The following SPATA33 variants were observed in gnomAD, a reference collection of about 807,000 sequenced individuals.
SPATA33 encodes the protein spermatogenesis associated 33.
A neutral mutation model predicts 8.9 loss-of-function variants in SPATA33; 10 were observed. The observed-to-expected ratio is 1.12, with a 90% CI of 0.69 to 1.90. The LOEUF (loss-of-function observed/expected upper bound fraction) is 1.90, where lower values mean the gene tolerates loss of function less well. Among genes scored for constraint, SPATA33 ranks in the 40% most tolerant of loss-of-function variants. SPATA33 has a pLI of 0.00. For synonymous variants in SPATA33, 96 were observed against 72.8 expected, an observed-to-expected ratio of 1.32 and a Z score of -1.63; for missense variants, 241 against 178.3, an observed-to-expected ratio of 1.35 and a Z score of -2.00.
intron 2 of SPATA33, among the ~76,000 whole-genome samples, chr16:89,666,644 A>T (rs1405886821): frequency 1.3e-5 from 2 of 152,078 alleles, no homozygotes; most frequent in Non-Finnish European, 2.9e-5. Flanking sequence ...GGCCCGGGGG[A>T]CCACTACCAC....
intron 1 of SPATA33, 38 bp from the exon 2 acceptor site, chr16:89,658,210 G>T: frequency 6.2e-7 from 1 of 1,611,208 alleles, no homozygotes; most frequent in Non-Finnish European, 8.5e-7. Flanking sequence ...CCTGCATTCG[G>T]TAAGTCCCGG....
chr16:89,657,996 G>A (rs369619180), intron 1 of SPATA33, 48 bp downstream of exon 1: 2 of 1,502,744 alleles, frequency 1.3e-6, no homozygotes, highest in Admixed American at 2.1e-5. Flanking sequence ...GCCCCTGGGC[G>A]CGGGCCCAGG....
At chr16:89,662,488 G>A (rs900740142) in intron 2 of SPATA33, among the ~76,000 whole-genome samples, 14 of 149,456 alleles carry the variant, frequency 9.4e-5, no homozygotes, top group Middle Eastern at 3.3e-3. Context: ...ATGATCTCGG[G>A]TCTCAACTCA....
At chr16:89,665,637 ATACTT>A (rs1028366716) in intron 2 of SPATA33, among the ~76,000 whole-genome samples, 1 of 152,180 alleles carries the variant, frequency 6.6e-6, no homozygotes, top group Non-Finnish European at 1.5e-5. Flanking sequence ...TGAAGAAACT[ATACTT>A]TGAGGAAGAT....
chr16:89,659,526 T>G (rs922794906), intron 2 of SPATA33: 1 of 152,068 alleles, frequency 6.6e-6, no homozygotes, highest in Non-Finnish European at 1.5e-5. Context: ...ATACAAAAAT[T>G]AGCTGGGCGT....
Position 89,669,804 on chromosome 16 carries a change from G to C in SPATA33, c.*307G>C. ...CAGTGCTCTCGGGGAGGGTGCACCA[G>C]GCCCACCCCACCCTGTGAGAACCTG... On this transcript the variant is annotated 3_prime_UTR_variant, in exon 3 of 3. Coordinates refer to ENST00000579310, the MANE Select transcript of SPATA33 (RefSeq NM_001271907.2). 2.4e-6 allele frequency: 1 copy of C among 409,422 alleles called. No individual in the cohort carries two copies. The highest frequency in any genetic ancestry group is 2.6e-5 in the South Asian group (1 of 39,002). The allele number at this position is 409,422 out of a possible 1,614,324, so 25.4% of individuals were successfully genotyped here.
Position 89,658,431 on chromosome 16 carries a change from G to A in SPATA33, c.211+10G>A, listed in dbSNP as rs778071007. 7 of 1,597,190 alleles carry A rather than the reference G, an allele frequency of 4.4e-6. No individual in the cohort carries two copies. The African/African-American group carries it at 9.4e-5, about 21-fold the overall frequency. On this transcript the variant is annotated intron_variant, in intron 2 of 2. Transcript: ENST00000579310. ...GCAGCTTCGCTGGAAGGTAGGAGACGGCGGGAGGGAGCGAAGCGAGGTCAG... is the reference window on the plus strand; with the variant it reads ...GCAGCTTCGCTGGAAGGTAGGAGACAGCGGGAGGGAGCGAAGCGAGGTCAG...
rs116541495 is a variant in SPATA33, at chr16:89,669,463, C to T, written c.389C>T (p.Thr130Ile). The T allele has an allele frequency of 2.9e-3, 4,664 of 1,613,434 alleles. 119 individuals carry two copies. In the African/African-American group the frequency reaches 0.055, roughly 19 times the overall value. ...GPYRRHRNPS[T>I]ADAYNSHLKE The stretch of plus-strand genomic sequence containing the variant: ...TACCGGCGGCACAGGAACCCCAGTA[C>T]AGCAGACGCCTATAATTCACATCTC... Residue 130 changes from threonine to isoleucine, a missense_variant, in exon 3 of 3, where the codon ACA (threonine) becomes ATA (isoleucine). Transcript: ENST00000579310.
intron 2 of SPATA33, among the ~76,000 whole-genome samples, chr16:89,665,440 G>C (rs909175311): frequency 1.3e-5 from 2 of 151,758 alleles, no homozygotes; most frequent in Admixed American, 6.6e-5. Context: ...GCATAGCTGG[G>C]ACTACAGGTG....
chr16:89,662,123 C>G (rs913257125), intron 2 of SPATA33, among the ~76,000 whole-genome samples: 72 of 152,046 alleles, frequency 4.7e-4, no homozygotes, highest in African/African-American at 1.6e-3. Context: ...GAAACCCTGT[C>G]TCTACAAAAA....
rs1398160244 is a variant in SPATA33 at position 89,668,442 on chromosome 16, G to A, written c.212-844G>A. Among the ~76,000 whole-genome samples, 4 of 149,574 alleles carry A rather than the reference G, an allele frequency of 2.7e-5. No homozygotes were observed. In the South Asian group the frequency reaches 6.5e-4, roughly 24 times the overall value. On this transcript the variant is annotated intron_variant, in intron 2 of 2. Coordinates refer to ENST00000579310, the MANE Select transcript of SPATA33 (RefSeq NM_001271907.2). ...AAAACAACATGACCACTGTAGTTAC[G>A]TTTCTGTAAAAAGGTGACTGAGTCT...
intron 2 of SPATA33, chr16:89,661,308 C>T: frequency 1.4e-6 from 1 of 703,692 alleles, no homozygotes; most frequent in Non-Finnish European, 1.7e-6. Context: ...CAGGTCTTTC[C>T]TGTGCTGTTT....
rs756550783 is a variant in SPATA33 at position 89,658,010 on chromosome 16, G to C, written c.37+62G>C. The stretch of plus-strand genomic sequence containing the variant: ...CGCCCCTGGGCGCGGGCCCAGGGCG[G>C]GGCTGGGCTGGGCGGGGCGGTGTGA... On this transcript the variant is annotated intron_variant, in intron 1 of 2. Transcript: ENST00000579310. 5.4e-6 allele frequency: 8 copies of C among 1,488,806 alleles called. No individual in the cohort carries two copies. The South Asian group carries it at 8.9e-5, about 17-fold the overall frequency. The allele number at this position is 1,488,806 out of a possible 1,614,324, so 92.2% of individuals were successfully genotyped here.
intron 1 of SPATA33, 38 bp from the exon 2 acceptor site, chr16:89,658,210 G>GT: frequency 6.2e-7 from 1 of 1,611,208 alleles, no homozygotes; most frequent in Non-Finnish European, 8.5e-7. Flanking sequence ...CCTGCATTCG[G>GT]TAAGTCCCGG....
chr16:89,660,479 A>G, intron 2 of SPATA33: 1 of 1,231,970 alleles, frequency 8.1e-7, no homozygotes, highest in Non-Finnish European at 1.0e-6. Context: ...GGAAAACAGC[A>G]GAGCAAGAGT....
At chr16:89,665,830 C>T (rs258317) in intron 2 of SPATA33, among the ~76,000 whole-genome samples, 54,476 of 151,884 alleles carry the variant, frequency 0.36, 11,159 homozygotes, top group Middle Eastern at 0.62. Context: ...CCTGTAATCC[C>T]GGCACTTTGG....
intron 2 of SPATA33, among the ~76,000 whole-genome samples, chr16:89,668,933 G>T (rs1434346796): frequency 1.3e-5 from 2 of 152,240 alleles, no homozygotes; most frequent in African/African-American, 4.8e-5. Context: ...GACCTTTGGA[G>T]TGGAAATGAT....
intron 2 of SPATA33, among the ~76,000 whole-genome samples, chr16:89,664,674 C>G (rs2060002977): frequency 6.6e-6 from 1 of 151,638 alleles, no homozygotes; most frequent in Non-Finnish European, 1.5e-5. Flanking sequence ...TAGGGCCCGA[C>G]CTGATCAGGG....
At chr16:89,660,601 C>A in intron 2 of SPATA33, 11 of 1,199,046 alleles carry the variant, frequency 9.2e-6, no homozygotes, top group Non-Finnish European at 1.1e-5. Flanking sequence ...GTGAAGGAGT[C>A]CCAAAGGTGG....
Sources: allele counts gnomAD v4.1 joint callset (sites outside exome capture counted in the v4.1 genomes callset), GRCh38; gene constraint gnomAD v4.1.1; transcripts MANE v1.5; gene names NCBI Gene and HGNC (gene_info 2026-07-23, HGNC 2026-07-21).